The following SMAD5 variants were observed in gnomAD, a reference collection of about 807,000 sequenced individuals.
The protein encoded by SMAD5 is SMAD family member 5.
SMAD5 carries 9 observed loss-of-function variants against 43.1 expected under a neutral mutation model. The ratio of observed to expected loss-of-function variants is 0.21; its 90% CI spans 0.13 to 0.36. The LOEUF (loss-of-function observed/expected upper bound fraction) is 0.36, where lower values mean the gene tolerates loss of function less well. Among genes scored for constraint, SMAD5 ranks in the 10% least tolerant of loss-of-function variants. The pLI is 1.00. For synonymous variants in SMAD5, 190 were observed against 192.4 expected (o/e 0.99, Z 0.10); for missense variants, 348 against 574.0 (o/e 0.61, Z 4.02).
At position 136,163,293 on chromosome 5, in the gene SMAD5, A is replaced by G. The variant is rs773759080; in HGVS notation, c.677A>G (p.Tyr226Cys). ...QLPADTPPPA[Y>C]MPPDDQMGQD... The stretch of plus-strand genomic sequence containing the variant: ...TTAGCTGATACGCCTCCTCCTGCCT[A>G]TATGCCACCTGATGATCAGATGGGT... Residue 226 changes from tyrosine to cysteine, a missense_variant, in exon 5 of 8, where the codon TAT (tyrosine) becomes TGT (cysteine). Physicochemically the swap from Tyr to Cys is radical, Grantham distance 194. This residue lies in a region of SMAD5 where 185 missense variants were observed against 207.0 expected (regional missense o/e 0.89). Transcript: ENST00000545279. 5 of 1,610,312 alleles carry G rather than the reference A, an allele frequency of 3.1e-6. No homozygotes were observed. The South Asian group carries it at 3.3e-5, about 11-fold the overall frequency.
At chr5:136,142,336 T>C (rs778292565) in intron 1 of SMAD5, among the ~76,000 whole-genome samples, 4 of 152,162 alleles carry the variant, frequency 2.6e-5, no homozygotes, top group Non-Finnish European at 4.4e-5. Flanking sequence ...GAGGTGTGTG[T>C]GTGTTTTGTA....
chr5:136,151,171 C>G (rs1447014868), intron 2 of SMAD5, among the ~76,000 whole-genome samples: 1 of 151,580 alleles, frequency 6.6e-6, no homozygotes, highest in Non-Finnish European at 1.5e-5. Context: ...TCCAGGGCAT[C>G]CAGTGGTTTT....
intron 2 of SMAD5, among the ~76,000 whole-genome samples, chr5:136,148,924 C>A (rs1395344369): frequency 6.6e-6 from 1 of 151,706 alleles, no homozygotes; most frequent in Admixed American, 6.6e-5. Context: ...GTAAAGCACA[C>A]AGAATTAAAG....
intron 3 of SMAD5, among the ~76,000 whole-genome samples, chr5:136,154,914 C>T (rs1429876084): frequency 6.6e-6 from 1 of 152,170 alleles, no homozygotes; most frequent in African/African-American, 2.4e-5. Context: ...AGACAGTATG[C>T]TATCCTGGTT....
intron 6 of SMAD5, chr5:136,172,933 G>T: frequency 2.4e-6 from 1 of 415,538 alleles, no homozygotes; most frequent in Non-Finnish European, 4.4e-6. Flanking sequence ...AGCTGTACAG[G>T]AACTTGCTTT....
chr5:136,147,965 G>A (rs1753317312), intron 2 of SMAD5, 59 bp downstream of exon 2: 2 of 151,832 alleles, frequency 1.3e-5, no homozygotes, highest in African/African-American at 4.8e-5. Flanking sequence ...TAATAATGCA[G>A]CCCATGTTCT....
chr5:136,154,051 T>G lies in SMAD5; in HGVS notation c.291T>G (p.Asp97Glu). 1.9e-6 allele frequency: 3 copies of G among 1,605,572 alleles called. No homozygotes were observed. Among genetic ancestry groups the G allele is most frequent in the Non-Finnish European group, 2.5e-6 (3 of 1,176,622 alleles). ...ATTGTCGTGTTTGGCGCTGGCCGGA[T>G]TTGCAGAGTCATCATGAGCTAAAGC... ...VIYCRVWRWP[D>E]LQSHHELKPL... Residue 97 changes from aspartate (D) to glutamate (E), a missense_variant, in exon 3 of 8, where the codon GAT (aspartate) becomes GAG (glutamate). Asp to Glu is a conservative substitution (Grantham distance 45). Around this residue, in one of 5 missense-constraint regions of SMAD5, gnomAD observed 27 missense variants for 53.9 expected, o/e 0.50. Coordinates refer to ENST00000545279, the MANE Select transcript of SMAD5 (RefSeq NM_005903.7).
At chr5:136,176,745 T>C (rs1754435346) in intron 7 of SMAD5, among the ~76,000 whole-genome samples, 3 of 152,066 alleles carry the variant, frequency 2.0e-5, no homozygotes, top group African/African-American at 7.2e-5. Flanking sequence ...ATTCATAAAT[T>C]TTACATCTGC....
At chr5:136,142,939 A>G (rs1227086621) in intron 1 of SMAD5, among the ~76,000 whole-genome samples, 2 of 152,260 alleles carry the variant, frequency 1.3e-5, no homozygotes, top group African/African-American at 4.8e-5. Flanking sequence ...AGTTCCTAGC[A>G]TGGAGTATTC....
intron 7 of SMAD5, among the ~76,000 whole-genome samples, chr5:136,176,930 C>CGA (rs1190814826): frequency 6.6e-6 from 1 of 151,844 alleles, no homozygotes; most frequent in East Asian, 1.9e-4. Flanking sequence ...TTCAATATAT[C>CGA]TTGTCTACAG....
In SMAD5 at chr5:136,180,895, A is replaced by C. The variant is rs560434840; in HGVS notation, c.*3415A>C. The C allele has an allele frequency of 1.3e-5, 2 of 152,260 alleles. No homozygotes were observed. The highest frequency in any genetic ancestry group is 4.1e-4 in the South Asian group (2 of 4,826). The allele number at this position is 152,260 out of a possible 1,614,324, so 9.4% of individuals were successfully genotyped here. On this transcript the variant is annotated 3_prime_UTR_variant, in exon 8 of 8. Coordinates refer to ENST00000545279, the MANE Select transcript of SMAD5 (RefSeq NM_005903.7). ...AGTGATTATTAAGTACTCATACCTG[A>C]AATCTGTTGTCAAGATTAGAACTGG...
rs79156557 is a variant in SMAD5 at position 136,153,437 on chromosome 5, T to G, written c.-169-155T>G. On this transcript the variant is annotated intron_variant, in intron 2 of 7. Transcript: ENST00000545279. The stretch of plus-strand genomic sequence containing the variant: ...ATATTATGGGGAAGGAATCGAGTGG[T>G]CACAGAACTTTTGGAGAAAATTTAT... 1.5e-3 allele frequency among the ~76,000 whole-genome samples: 226 copies of G among 152,284 alleles called. 3 individuals are homozygous for G. The highest frequency in any genetic ancestry group is 5.2e-3 in the African/African-American group (215 of 41,574).
intron 2 of SMAD5, among the ~76,000 whole-genome samples, chr5:136,152,141 C>G (rs1207959865): frequency 6.6e-6 from 1 of 152,072 alleles, no homozygotes; most frequent in Non-Finnish European, 1.5e-5. Flanking sequence ...TGTACCCTTC[C>G]CCACCATGGT....
At chr5:136,173,848 A>G (rs1372001955) in intron 6 of SMAD5, among the ~76,000 whole-genome samples, 2 of 151,680 alleles carry the variant, frequency 1.3e-5, no homozygotes, top group African/African-American at 4.8e-5. Context: ...CTTGCAAAGG[A>G]ACATATATAT....
At position 136,172,519 on chromosome 5, in the gene SMAD5, T is replaced by G; in HGVS notation, c.861T>G (p.Phe287Leu). ...YELNNRVGEA[F>L]HASSTSVLVD... ...TAAACAATCGTGTTGGAGAAGCTTTTCATGCATCTTCTACTAGTGTGTTAG... is the reference window on the plus strand; with the variant it reads ...TAAACAATCGTGTTGGAGAAGCTTTGCATGCATCTTCTACTAGTGTGTTAG... The change falls in exon 6 of 8, where the codon TTT becomes TTG. Residue 287 changes from phenylalanine to leucine, a missense_variant. Physicochemically the swap from Phe to Leu is conservative, Grantham distance 22. Coordinates refer to ENST00000545279, the MANE Select transcript of SMAD5 (RefSeq NM_005903.7). 1 of 1,611,578 alleles carries G rather than the reference T, an allele frequency of 6.2e-7. No individual in the cohort carries two copies. Among genetic ancestry groups the G allele is most frequent in the Non-Finnish European group, 8.5e-7 (1 of 1,177,746 alleles).
chr5:136,175,343 A>G (rs996914836), intron 7 of SMAD5, among the ~76,000 whole-genome samples: 10 of 152,176 alleles, frequency 6.6e-5, no homozygotes, highest in Non-Finnish European at 1.5e-4. Context: ...AACAGTTTTG[A>G]TTATTATTAC....
intron 1 of SMAD5, among the ~76,000 whole-genome samples, chr5:136,141,037 G>T (rs1753062551): frequency 6.6e-6 from 1 of 151,966 alleles, no homozygotes; most frequent in African/African-American, 2.4e-5. Context: ...CATAGTATTG[G>T]ATTAGAGATT....
chr5:136,170,953 A>T (rs1421439850), intron 5 of SMAD5, among the ~76,000 whole-genome samples: 1 of 152,186 alleles, frequency 6.6e-6, no homozygotes, highest in Non-Finnish European at 1.5e-5. Flanking sequence ...TACTAGTTCC[A>T]GGAATTTTTT....
Position 136,180,286 on chromosome 5 carries a change from T to G in SMAD5, c.*2806T>G, listed in dbSNP as rs1419424114. On this transcript the variant is annotated 3_prime_UTR_variant, in exon 8 of 8. Coordinates refer to ENST00000545279, the MANE Select transcript of SMAD5 (RefSeq NM_005903.7). ...AGCAAATTATGGTTATATGTTTTAATTTAATCTACAGAATGTTTTATAGTA... is the reference window on the plus strand; with the variant it reads ...AGCAAATTATGGTTATATGTTTTAAGTTAATCTACAGAATGTTTTATAGTA... The G allele has an allele frequency of 6.6e-6, 1 of 152,180 alleles. No individual in the cohort carries two copies. The highest frequency in any genetic ancestry group is 1.9e-4 in the East Asian group (1 of 5,196). 9.4% of individuals were successfully genotyped at this position (152,180 alleles called of 1,614,324 possible). A position where few individuals can be genotyped will look rare whatever the true frequency, so the allele number is the denominator to read the frequency against.
Sources: allele counts gnomAD v4.1 joint callset (sites outside exome capture counted in the v4.1 genomes callset), GRCh38; gene constraint gnomAD v4.1.1; regional missense constraint gnomAD v4.1.1; transcripts MANE v1.5; gene names NCBI Gene and HGNC (gene_info 2026-07-23, HGNC 2026-07-21).